Variants in DDX4 observed in about 807,000 individuals in gnomAD.
DDX4 encodes the protein DEAD-box helicase 4, also known as probable ATP-dependent RNA helicase DDX4.
In DDX4, 25 loss-of-function variants were observed where a neutral mutation model predicts 100.0. The observed-to-expected ratio is 0.25, with a 90% confidence interval of 0.18 to 0.35. The LOEUF is 0.35. DDX4 is among the 10% of genes least tolerant of loss of function. The pLI is 1.00. For missense variants in DDX4, 635 were observed against 882.4 expected (o/e 0.72, Z 3.55); for synonymous variants, 259 against 275.7 (o/e 0.94, Z 0.60).
intron 18 of DDX4, among the ~76,000 whole-genome samples, chr5:55,801,221 T>G (rs1373158668): frequency 4.4e-4 from 67 of 151,614 alleles, no homozygotes; most frequent in Admixed American, 3.4e-3. Context: ...GGGTGTTTTT[T>G]TTTTTTTTTT....
chr5:55,786,004 G>C, intron 13 of DDX4, 133 bp downstream of exon 13: 2 of 568,836 alleles, frequency 3.5e-6, no homozygotes, highest in Non-Finnish European at 6.1e-6. Context: ...TGGAAATTTA[G>C]AATGATGTCT....
intron 21 of DDX4, among the ~76,000 whole-genome samples, chr5:55,815,936 G>GTTTTT (rs1183741125): frequency 8.6e-6 from 1 of 115,672 alleles, no homozygotes; most frequent in African/African-American, 3.6e-5. Context: ...CATCTTAGCT[G>GTTTTT]GTTTTTTTTT....
At chr5:55,777,547 T>A (rs983320143) in intron 7 of DDX4, 1 of 152,162 alleles carries the variant, frequency 6.6e-6, no homozygotes, top group Non-Finnish European at 1.5e-5. Flanking sequence ...TGGTTAGTAC[T>A]TGGATGGGAG....
At chr5:55,813,529 C>A in intron 18 of DDX4, 144 bp from the exon 19 acceptor site, 2 of 1,170,846 alleles carry the variant, frequency 1.7e-6, no homozygotes, top group Non-Finnish European at 1.1e-6. Context: ...TAGAGTCCCT[C>A]TTATGTACCA....
chr5:55,787,802 A>G (rs1433350800), intron 14 of DDX4, 44 bp from the exon 15 acceptor site: 2 of 1,591,710 alleles, frequency 1.3e-6, no homozygotes, highest in Non-Finnish European at 1.7e-6. Flanking sequence ...TAGGGATAAA[A>G]GTGTTGTGCT....
chr5:55,739,053 G>A (rs2150799598), intron 2 of DDX4, 21 bp downstream of exon 2: 5 of 1,365,868 alleles, frequency 3.7e-6, no homozygotes, highest in South Asian at 2.4e-5. Context: ...TTAAAGTTTA[G>A]TTATTAAATG....
Position 55,815,373 on chromosome 5 carries a change from T to C in DDX4, c.2047T>C (p.Phe683Leu). 1 of 1,613,888 alleles carries C rather than the reference T, an allele frequency of 6.2e-7. No homozygotes were observed. Among genetic ancestry groups the C allele is most frequent in the South Asian group, 1.1e-5 (1 of 90,934 alleles). Reference protein sequence around the residue: ...EIAFSTYIPGFSGSTRGNVFA... With the variant: ...EIAFSTYIPGLSGSTRGNVFA... Reference sequence around the variant, plus strand: ...TGCCTTTAGTACATACATTCCTGGCTTCAGTGGTAGTACAAGAGGAAACGT... The same window carrying C: ...TGCCTTTAGTACATACATTCCTGGCCTCAGTGGTAGTACAAGAGGAAACGT... Residue 683 changes from phenylalanine to leucine, a missense_variant, in exon 21 of 22, where the codon TTC (phenylalanine) becomes CTC (leucine). By Grantham distance (22) the Phe-to-Leu change is conservative (BLOSUM62 0). Around this residue, in one of 4 missense-constraint regions of DDX4, gnomAD observed 73 missense variants for 98.5 expected, o/e 0.74. Coordinates refer to ENST00000505374, the MANE Select transcript of DDX4 (RefSeq NM_024415.3).
At chr5:55,774,341 G>A (rs4865986) in intron 7 of DDX4, among the ~76,000 whole-genome samples, 16,271 of 151,256 alleles carry the variant, frequency 0.11, 1,342 homozygotes, top group East Asian at 0.27. Flanking sequence ...TTGTAGGGAT[G>A]GGGTCTCACT....
intron 18 of DDX4, among the ~76,000 whole-genome samples, chr5:55,808,050 C>T (rs942808183): frequency 2.0e-5 from 3 of 152,148 alleles, no homozygotes; most frequent in African/African-American, 7.2e-5. Flanking sequence ...CTTCTCTTCA[C>T]ATTTCATTTC....
intron 18 of DDX4, among the ~76,000 whole-genome samples, chr5:55,804,188 A>G (rs968367913): frequency 2.7e-5 from 4 of 150,568 alleles, no homozygotes; most frequent in Admixed American, 6.6e-5. Context: ...TTTCTTGTAA[A>G]TTTGTTTGAG....
rs1028663646 is a variant in DDX4, at chr5:55,798,342, G to A, written c.1470-84G>A. On this transcript the variant is annotated intron_variant, in intron 17 of 21. Coordinates refer to ENST00000505374, the MANE Select transcript of DDX4 (RefSeq NM_024415.3). ...TAATCTGCTGTCTGATTAATATTGAGATAACACCTACAGGAATTCAGTGGA... is the reference window on the plus strand; with the variant it reads ...TAATCTGCTGTCTGATTAATATTGAAATAACACCTACAGGAATTCAGTGGA... 2.7e-5 allele frequency: 38 copies of A among 1,398,712 alleles called. No homozygotes were observed. In the African/African-American group the frequency reaches 5.0e-4, roughly 19 times the overall value. The allele number at this position is 1,398,712 out of a possible 1,614,324, so 86.6% of individuals were successfully genotyped here. A position where few individuals can be genotyped will look rare whatever the true frequency, so the allele number is the denominator to read the frequency against.
intron 7 of DDX4, among the ~76,000 whole-genome samples, chr5:55,779,252 A>C (rs997555311): frequency 4.6e-5 from 7 of 152,164 alleles, no homozygotes; most frequent in African/African-American, 1.2e-4. Context: ...TTTTTTGAAG[A>C]GTTTTGTTTC....
At chr5:55,794,996 G>A (rs1351635796) in intron 17 of DDX4, among the ~76,000 whole-genome samples, 7 of 139,084 alleles carry the variant, frequency 5.0e-5, no homozygotes, top group Admixed American at 1.5e-4. Context: ...ACAGAGTTTC[G>A]CTCTTGTTGC....
At chr5:55,793,021 AAAGT>A (rs1263932257) in intron 17 of DDX4, among the ~76,000 whole-genome samples, 1 of 133,786 alleles carries the variant, frequency 7.5e-6, no homozygotes, top group Non-Finnish European at 1.6e-5. Flanking sequence ...TTTTATTTAA[AAAGT>A]GTGTGTGTGT....
At chr5:55,741,978 T>A (rs994831237) in intron 2 of DDX4, 2 of 316,746 alleles carry the variant, frequency 6.3e-6, no homozygotes, top group African/African-American at 4.3e-5. Context: ...TCTGAGTGCT[T>A]CTCAGGAGCT....
At chr5:55,755,852 G>C (rs553351657) in intron 3 of DDX4, among the ~76,000 whole-genome samples, 1 of 152,124 alleles carries the variant, frequency 6.6e-6, no homozygotes, top group Non-Finnish European at 1.5e-5. Context: ...CTCAGATCAA[G>C]AAAAACAGCA....
At chr5:55,750,409 T>G (rs1168043026) in intron 3 of DDX4, 1 of 153,546 alleles carries the variant, frequency 6.5e-6, no homozygotes, top group East Asian at 1.9e-4. Flanking sequence ...CCAAACAGGA[T>G]TTTTATCTCT....
chr5:55,791,662 A>C (rs1364578469), intron 16 of DDX4, among the ~76,000 whole-genome samples: 1 of 152,196 alleles, frequency 6.6e-6, no homozygotes, highest in African/African-American at 2.4e-5. Context: ...ACTTTATCAA[A>C]TACTATAATC....
intron 18 of DDX4, among the ~76,000 whole-genome samples, chr5:55,810,030 TAC>T (rs10574331): frequency 0.4 from 60,196 of 151,458 alleles, 13,344 homozygotes; most frequent in African/African-American, 0.58. Flanking sequence ...CCGTAAAGCA[TAC>T]ACACACACAC....
Sources: allele counts gnomAD v4.1 joint callset (sites outside exome capture counted in the v4.1 genomes callset), GRCh38; gene constraint gnomAD v4.1.1; regional missense constraint gnomAD v4.1.1; transcripts MANE v1.5; gene names NCBI Gene and HGNC (gene_info 2026-07-23, HGNC 2026-07-21).